The following DPP8 variants were observed in gnomAD, a reference collection of about 807,000 sequenced individuals.
The protein encoded by DPP8 is dipeptidyl peptidase 8.
Under a neutral mutation model 107.5 loss-of-function variants are expected in DPP8, and 31 were observed. The observed-to-expected ratio is 0.29, with a 90% CI of 0.22 to 0.39. DPP8 has a LOEUF of 0.39. Among genes scored for constraint, DPP8 ranks in the 10% least tolerant of loss-of-function variants. The pLI is 1.00. For synonymous variants in DPP8, 381 were observed against 356.6 expected (o/e 1.07, Z -0.77); for missense variants, 842 against 1,076.1 (o/e 0.78, Z 3.04).
intron 2 of DPP8, among the ~76,000 whole-genome samples, chr15:65,508,051 A>G (rs2070287945): frequency 6.6e-6 from 1 of 151,846 alleles, no homozygotes; most frequent in Non-Finnish European, 1.5e-5. Flanking sequence ...CAGCCTGGCC[A>G]ACATGATGAA....
intron 12 of DPP8, among the ~76,000 whole-genome samples, chr15:65,471,275 A>G (rs775809206): frequency 6.6e-6 from 1 of 152,222 alleles, no homozygotes; most frequent in East Asian, 1.9e-4. Flanking sequence ...ATTTGGATAT[A>G]TAACAAGAAG....
chr15:65,446,885 T>C lies in DPP8; in HGVS notation c.2648A>G (p.Ter883=), dbSNP rs775491559. 1 of 1,610,138 alleles carries C rather than the reference T, an allele frequency of 6.2e-7. No individual in the cohort carries two copies. Residue 883 remains the stop codon, a stop_retained_variant, in exon 20 of 20, where the codon TAA becomes TGA. Transcript: ENST00000300141. ...CAGAGAGTTCTACACAGGTCAAAATTATATCACTTTTAGAGCAGCAATACG... is the reference window on the plus strand; with the variant it reads ...CAGAGAGTTCTACACAGGTCAAAATCATATCACTTTTAGAGCAGCAATACG... The part of the protein sequence containing the change: ...GSRIAALKVI[*]
At position 65,445,901 on chromosome 15, in the gene DPP8, C is replaced by T. The variant is rs909828760; in HGVS notation, c.*983G>A. 2.0e-5 allele frequency: 3 copies of T among 151,978 alleles called. No individual in the cohort carries two copies. The allele number at this position is 151,978 out of a possible 1,614,324, so 9.4% of individuals were successfully genotyped here. ...CTTCTGCTTAGTTTTTAATCAGGCC[C>T]TCACCACCTCTTCTCTCTGTCATTC... On this transcript the variant is annotated 3_prime_UTR_variant, in exon 20 of 20. Coordinates refer to ENST00000300141, the MANE Select transcript of DPP8 (RefSeq NM_130434.5).
intron 15 of DPP8, among the ~76,000 whole-genome samples, chr15:65,460,766 G>A (rs1285698321): frequency 1.3e-5 from 2 of 152,240 alleles, no homozygotes; most frequent in African/African-American, 4.8e-5. Flanking sequence ...TTTGGCTATT[G>A]TGCATAATGC....
At chr15:65,452,201 T>C (rs1316045664) in intron 17 of DPP8, 99 bp from the exon 18 acceptor site, 1 of 1,398,898 alleles carries the variant, frequency 7.1e-7, no homozygotes, top group African/African-American at 1.5e-5. Context: ...AAATTATCCT[T>C]AAGCTTTAGC....
intron 6 of DPP8, among the ~76,000 whole-genome samples, chr15:65,489,973 C>A (rs1308341223): frequency 6.6e-6 from 1 of 152,154 alleles, no homozygotes; most frequent in Non-Finnish European, 1.5e-5. Flanking sequence ...CCTGCCTCGG[C>A]CTCCCAAAGT....
chr15:65,456,846 C>A (rs1373344239), intron 15 of DPP8, among the ~76,000 whole-genome samples: 1 of 152,140 alleles, frequency 6.6e-6, no homozygotes, highest in Non-Finnish European at 1.5e-5. Flanking sequence ...TCATCTCATA[C>A]CATTTCCCTC....
rs1248155092 is a variant in DPP8, at chr15:65,497,748, T to C, written c.715+116A>G. On this transcript the variant is annotated intron_variant, in intron 5 of 19. Coordinates refer to ENST00000300141, the MANE Select transcript of DPP8 (RefSeq NM_130434.5). ...TCCATTTTTTAAAAATTTTAAAGAC[T>C]TGAATTTCAAATATAAAGATCACCC... The C allele has an allele frequency of 5.0e-6, 4 of 807,700 alleles. No individual in the cohort carries two copies. The East Asian group carries it at 8.3e-5, about 17-fold the overall frequency. The allele number at this position is 807,700 out of a possible 1,614,324, so 50.0% of individuals were successfully genotyped here. A position where few individuals can be genotyped will look rare whatever the true frequency, so the allele number is the denominator to read the frequency against.
At chr15:65,452,590 G>C (rs2064068108) in intron 17 of DPP8, among the ~76,000 whole-genome samples, 1 of 152,026 alleles carries the variant, frequency 6.6e-6, no homozygotes, top group Non-Finnish European at 1.5e-5. Flanking sequence ...GAAAATTATG[G>C]AAGTGGTCAG....
intron 1 of DPP8, chr15:65,515,577 C>CA (rs763000266): frequency 1.9e-5 from 23 of 1,238,624 alleles, no homozygotes; most frequent in Non-Finnish European, 2.6e-5. Context: ...AAAATAGGGT[C>CA]AGTGTACCTT....
At chr15:65,471,030 T>C (rs749233601) in intron 12 of DPP8, among the ~76,000 whole-genome samples, 4 of 152,082 alleles carry the variant, frequency 2.6e-5, no homozygotes, top group Non-Finnish European at 5.9e-5. Context: ...GTAGTAGATG[T>C]TTAGGTGACT....
intron 2 of DPP8, among the ~76,000 whole-genome samples, chr15:65,509,731 A>T (rs1344401258): frequency 2.0e-5 from 3 of 152,202 alleles, no homozygotes; most frequent in Non-Finnish European, 2.9e-5. Context: ...ATAAAAGAAA[A>T]GATTTCTGGC....
chr15:65,494,646 G>GAAAAAAAAAAA (rs5813355), intron 5 of DPP8, among the ~76,000 whole-genome samples: 2 of 114,350 alleles, frequency 1.7e-5, no homozygotes, highest in Non-Finnish European at 3.3e-5. Flanking sequence ...CAAAAAAATT[G>GAAAAAAAAAAA]AAAAAAAAAA....
intron 3 of DPP8, among the ~76,000 whole-genome samples, chr15:65,501,175 C>A (rs905250933): frequency 6.6e-6 from 1 of 152,036 alleles, no homozygotes; most frequent in African/African-American, 2.4e-5. Context: ...CCGCGCCTGG[C>A]GACTCTACAT....
At chr15:65,450,337 G>A (rs1212270352) in intron 19 of DPP8, among the ~76,000 whole-genome samples, 2 of 152,070 alleles carry the variant, frequency 1.3e-5, no homozygotes, top group Non-Finnish European at 2.9e-5. Context: ...AATATTGATT[G>A]ATATAATTGA....
intron 15 of DPP8, among the ~76,000 whole-genome samples, chr15:65,460,267 C>T (rs1157293402): frequency 6.6e-6 from 1 of 151,920 alleles, no homozygotes; most frequent in African/African-American, 2.4e-5. Context: ...CATGGTGAAA[C>T]CCTGTCTCTA....
intron 12 of DPP8, among the ~76,000 whole-genome samples, chr15:65,468,660 T>C (rs2065576517): frequency 6.6e-6 from 1 of 152,166 alleles, no homozygotes; most frequent in Non-Finnish European, 1.5e-5. Flanking sequence ...TGGGATTAAG[T>C]AGGCCCACAT....
chr15:65,479,228 C>A (rs2066677417), intron 10 of DPP8, among the ~76,000 whole-genome samples, 189 bp from the exon 11 acceptor site: 1 of 152,028 alleles, frequency 6.6e-6, no homozygotes, highest in African/African-American at 2.4e-5. Context: ...TAGTCAAAGA[C>A]TTTTTCCACT....
intron 12 of DPP8, among the ~76,000 whole-genome samples, chr15:65,470,217 A>AG (rs1343417101): frequency 1.3e-5 from 2 of 150,088 alleles, no homozygotes; most frequent in Non-Finnish European, 3.0e-5. Context: ...AAAAAAAAAA[A>AG]AAAGAAAGAA....
Sources: gnomAD v4.1 joint callset for allele counts (sites outside exome capture counted in the v4.1 genomes callset) on GRCh38, gnomAD v4.1.1 for gene constraint, MANE v1.5 for transcripts, NCBI Gene and HGNC (gene_info 2026-07-23, HGNC 2026-07-21) for gene names.